Variants in OPHN1 observed in about 807,000 individuals in gnomAD.
The protein encoded by OPHN1 is oligophrenin-1.
A neutral mutation model predicts 60.7 loss-of-function variants in OPHN1; 11 were observed. That is an observed-to-expected ratio of 0.18 (90% confidence interval 0.11 to 0.30). The LOEUF is 0.30. Ranked by LOEUF, OPHN1 falls within the 10% of genes least tolerant of loss-of-function variation. OPHN1 has a pLI of 1.00. For synonymous variants in OPHN1, 226 were observed against 222.6 expected, an observed-to-expected ratio of 1.02 and a Z score of -0.14; for missense variants, 449 against 611.0, an observed-to-expected ratio of 0.73 and a Z score of 2.80.
chrX:68,433,271 C>T lies in OPHN1; in HGVS notation c.-108G>A, dbSNP rs143841262. On this transcript the variant is annotated 5_prime_UTR_variant, in exon 1 of 25. Transcript: ENST00000355520. The stretch of plus-strand genomic sequence containing the variant: ...GGAGAGCTAACTATCGCAGTCGGAT[C>T]CCGGCAGGGTGCTGCCTAGCAAGCA... The T allele has an allele frequency of 7.4e-3, 2,829 of 384,647 alleles. 14 individuals are homozygous for T. Among genetic ancestry groups the T allele is most frequent in the Non-Finnish European group, 9.3e-3 (2,074 of 223,353 alleles). 31.7% of individuals were successfully genotyped at this position (384,647 alleles called of 1,213,427 possible).
chrX:68,109,416 T>G (rs1178709146), intron 18 of OPHN1, among the ~76,000 whole-genome samples: 2 of 111,806 alleles, frequency 1.8e-5, no homozygotes, highest in Non-Finnish European at 1.9e-5. Flanking sequence ...TACCTATTCA[T>G]TAGTTAACAG....
chrX:68,315,692 G>C (rs927646061), intron 2 of OPHN1, among the ~76,000 whole-genome samples: 1 of 110,959 alleles, frequency 9.0e-6, no homozygotes, highest in Non-Finnish European at 1.9e-5. Flanking sequence ...AATATTATTA[G>C]ACCTAATAAA....
Position 68,318,109 on chromosome X carries a change from G to A in OPHN1, c.155-19013C>T, listed in dbSNP as rs994449285. Among the ~76,000 whole-genome samples the A allele has an allele frequency of 8.1e-5, 9 of 111,346 alleles. No individual in the cohort carries two copies. The South Asian group carries it at 1.1e-3, about 14-fold the overall frequency. On this transcript the variant is annotated intron_variant, in intron 2 of 24. Coordinates refer to ENST00000355520, the MANE Select transcript of OPHN1 (RefSeq NM_002547.3). The stretch of plus-strand genomic sequence containing the variant: ...CAAAATCAACATACAAAAATCAATC[G>A]TATTTGTATATACTAGCAATTAACA...
intron 15 of OPHN1, among the ~76,000 whole-genome samples, chrX:68,132,508 A>C (rs1201130863): frequency 1.1e-5 from 1 of 87,295 alleles, no homozygotes; most frequent in Non-Finnish European, 2.2e-5. Context: ...ATGAGATCAC[A>C]TGGACACAGG....
At chrX:68,163,454 GTGTGTATA>G (rs1320148648) in intron 15 of OPHN1, among the ~76,000 whole-genome samples, 16 of 87,825 alleles carry the variant, frequency 1.8e-4, no homozygotes, top group African/African-American at 4.9e-4. Context: ...GTGTGTGTGT[GTGTGTATA>G]TATACCACAA....
rs2077206230 is a variant in OPHN1 at position 68,133,411 on chromosome X, A to G, written c.1277-14079T>C. 1.3e-5 allele frequency: 10 copies of G among 780,815 alleles called. No homozygotes were observed. The South Asian group carries it at 1.9e-4, about 15-fold the overall frequency. 64.3% of individuals were successfully genotyped at this position (780,815 alleles called of 1,213,427 possible). On this transcript the variant is annotated intron_variant, in intron 15 of 24. Coordinates refer to ENST00000355520, the MANE Select transcript of OPHN1 (RefSeq NM_002547.3). Reference sequence around the variant, plus strand: ...ACACATGATCAGATTATGCAACGGTATGGGACAAGGCCAACAAGCCATGTG... The same window carrying G: ...ACACATGATCAGATTATGCAACGGTGTGGGACAAGGCCAACAAGCCATGTG...
intron 5 of OPHN1, among the ~76,000 whole-genome samples, chrX:68,246,154 G>T (rs2077804746): frequency 9.0e-6 from 1 of 111,436 alleles, no homozygotes; most frequent in South Asian, 3.8e-4. Flanking sequence ...TACCACCACT[G>T]AACTAAGCAC....
At chrX:68,263,740 T>C (rs190852264) in intron 5 of OPHN1, among the ~76,000 whole-genome samples, 12 of 111,943 alleles carry the variant, frequency 1.1e-4, no homozygotes, top group African/African-American at 3.6e-4. Flanking sequence ...GTAATTTCTT[T>C]GTCTAGGTCA....
intron 2 of OPHN1, among the ~76,000 whole-genome samples, chrX:68,386,080 T>C (rs2078623017): frequency 8.9e-6 from 1 of 112,255 alleles, no homozygotes; most frequent in Non-Finnish European, 1.9e-5. Context: ...TTCTGCCTTA[T>C]AGATTAGAAA....
rs903171959 is a variant in OPHN1 at position 68,280,345 on chromosome X, C to G, written c.312+2711G>C. On this transcript the variant is annotated intron_variant, in intron 4 of 24. Coordinates refer to ENST00000355520, the MANE Select transcript of OPHN1 (RefSeq NM_002547.3). ...ACCATAAGAGATGGGGATTATTTTC[C>G]TCACTCTACAAATAAGAAAAAGGAG... Among the ~76,000 whole-genome samples, 3 of 111,109 alleles carry G rather than the reference C, an allele frequency of 2.7e-5. No homozygotes were observed. In the Admixed American group the frequency reaches 2.9e-4, roughly 11 times the overall value.
At chrX:68,329,278 G>A in intron 2 of OPHN1, among the ~76,000 whole-genome samples, 1 of 112,067 alleles carries the variant, frequency 8.9e-6, no homozygotes. Flanking sequence ...GTTGGTGTAA[G>A]TATAAATGTG....
chrX:68,431,347 G>A (rs185133314), intron 2 of OPHN1, among the ~76,000 whole-genome samples: 16 of 112,271 alleles, frequency 1.4e-4, no homozygotes, highest in Admixed American at 3.8e-4. Context: ...GAAAAGCACC[G>A]ACTCCACAGG....
rs761887178 is a variant in OPHN1 at position 68,042,382 on chromosome X, T to G, written c.*4790A>C. On this transcript the variant is annotated 3_prime_UTR_variant, in exon 25 of 25. Transcript: ENST00000355520. ...TCTACATACTTTATTGAAAGTCACA[T>G]GAATGAGCCCCAGGATCTCGTTTGT... 9.0e-6 allele frequency: 1 copy of G among 111,007 alleles called. No homozygotes were observed. Among genetic ancestry groups the G allele is most frequent in the East Asian group, 2.8e-4 (1 of 3,514 alleles). The allele number at this position is 111,007 out of a possible 1,213,427, so 9.1% of individuals were successfully genotyped here.
intron 15 of OPHN1, among the ~76,000 whole-genome samples, chrX:68,164,636 G>A (rs1300720846): frequency 8.9e-6 from 1 of 111,822 alleles, no homozygotes; most frequent in African/African-American, 3.3e-5. Flanking sequence ...TAATTCCTAA[G>A]GGGTCTAGGA....
At chrX:68,317,553 AAGAAAGAAAGAAAGAAAGAAAG>A (rs2078212904) in intron 2 of OPHN1, among the ~76,000 whole-genome samples, 1 of 80,975 alleles carries the variant, frequency 1.2e-5, no homozygotes, top group East Asian at 3.6e-4. Flanking sequence ...GAAAGAAAGA[AAGAAAGAAAGAAAGAAAGAAAG>A]AGAAAGAAAG....
chrX:68,355,397 G>A (rs912143328), intron 2 of OPHN1, among the ~76,000 whole-genome samples: 1 of 112,082 alleles, frequency 8.9e-6, no homozygotes, highest in African/African-American at 3.2e-5. Context: ...CCTGACATTT[G>A]ATCATTTGAG....
At chrX:68,174,538 C>T (rs191030447) in intron 15 of OPHN1, among the ~76,000 whole-genome samples, 257 of 92,015 alleles carry the variant, frequency 2.8e-3, no homozygotes, top group Non-Finnish European at 4.2e-3. Context: ...GTGGTGCAAT[C>T]GCAGCTTACT....
intron 19 of OPHN1, among the ~76,000 whole-genome samples, chrX:68,090,270 G>A (rs1040998096): frequency 9.1e-6 from 1 of 110,049 alleles, no homozygotes; most frequent in Non-Finnish European, 1.9e-5. Flanking sequence ...GTGTGTGTGT[G>A]TGTGTAGGTA....
At position 68,377,622 on chromosome X, in the gene OPHN1, C is replaced by T. The variant is rs778153629; in HGVS notation, c.154+55245G>A. 1.5e-4 allele frequency among the ~76,000 whole-genome samples: 16 copies of T among 107,524 alleles called. 1 individual carries two copies. The highest frequency in any genetic ancestry group is 7.1e-4 in the Admixed American group (7 of 9,801). 93.4% of individuals were successfully genotyped at this position (107,524 alleles called of 115,157 possible). On this transcript the variant is annotated intron_variant, in intron 2 of 24. Transcript: ENST00000355520. ...CAGTCCCCAGAGTGTGATGTTCCCC[C>T]TCCTGTGTCCATGTGTTCTCATTGT...
Sources: allele counts gnomAD v4.1 joint callset (sites outside exome capture counted in the v4.1 genomes callset), GRCh38; gene constraint gnomAD v4.1.1; transcripts MANE v1.5; gene names NCBI Gene and HGNC (gene_info 2026-07-23, HGNC 2026-07-21).